STK38L: variants seen among roughly 807,000 people sequenced by gnomAD.
STK38L encodes serine/threonine kinase 38 like.
A neutral mutation model predicts 59.7 loss-of-function variants in STK38L; 28 were observed. That is an observed-to-expected ratio of 0.47 (90% CI 0.35 to 0.64). The LOEUF is 0.64. Ranked by LOEUF, STK38L falls within the 30% of genes least tolerant of loss-of-function variation. The pLI is 0.01. For missense variants in STK38L, 314 were observed against 555.8 expected (o/e 0.56, Z 4.37); for synonymous variants, 162 against 176.8 (o/e 0.92, Z 0.66).
rs1944784942 is a variant in STK38L, at chr12:27,323,859, T to G, written c.*1404T>G. ...AAACAACTCTGAGGTTTTGGTTTCA[T>G]TAGTAATAGTTGAGGAATAATATAC... On this transcript the variant is annotated 3_prime_UTR_variant, in exon 14 of 14. Transcript: ENST00000389032. The G allele has an allele frequency of 6.6e-6, 1 of 152,134 alleles. No individual in the cohort carries two copies. The highest frequency in any genetic ancestry group is 1.5e-5 in the Non-Finnish European group (1 of 67,968). The allele number at this position is 152,134 out of a possible 1,614,324, so 9.4% of individuals were successfully genotyped here. A position where few individuals can be genotyped will look rare whatever the true frequency, so the allele number is the denominator to read the frequency against.
chr12:27,320,793 T>C (rs985382188), intron 12 of STK38L, among the ~76,000 whole-genome samples: 4 of 150,472 alleles, frequency 2.7e-5, no homozygotes, highest in African/African-American at 9.8e-5. Flanking sequence ...TTTTTTTTTT[T>C]TTTTTTGAGA....
At chr12:27,248,588 C>T (rs1335751106) in intron 1 of STK38L, among the ~76,000 whole-genome samples, 1 of 152,180 alleles carries the variant, frequency 6.6e-6, no homozygotes, top group Non-Finnish European at 1.5e-5. Context: ...CCAGCAGGAT[C>T]CAGACTCTTC....
intron 1 of STK38L, among the ~76,000 whole-genome samples, chr12:27,275,055 C>T (rs1943504352): frequency 6.6e-6 from 1 of 152,192 alleles, no homozygotes; most frequent in African/African-American, 2.4e-5. Context: ...CCACATCATA[C>T]TCAGACTTAA....
chr12:27,254,801 A>AG (rs538958609), intron 1 of STK38L, among the ~76,000 whole-genome samples: 3 of 152,106 alleles, frequency 2.0e-5, no homozygotes, highest in Non-Finnish European at 4.4e-5. Context: ...AGGCACAGAG[A>AG]GGGGGCGGGA....
chr12:27,259,448 T>A (rs1943158551), intron 1 of STK38L, among the ~76,000 whole-genome samples: 1 of 152,166 alleles, frequency 6.6e-6, no homozygotes, highest in Non-Finnish European at 1.5e-5. Context: ...CGCCACTTTT[T>A]GCTGTCGTTC....
chr12:27,272,559 T>A (rs1252783807), intron 1 of STK38L, among the ~76,000 whole-genome samples: 2 of 152,220 alleles, frequency 1.3e-5, no homozygotes, highest in Non-Finnish European at 2.9e-5. Flanking sequence ...AATTCCATAT[T>A]TGTCTTGGAG....
chr12:27,298,956 T>C (rs1056441436), intron 2 of STK38L, among the ~76,000 whole-genome samples: 1 of 152,232 alleles, frequency 6.6e-6, no homozygotes, highest in Non-Finnish European at 1.5e-5. Flanking sequence ...GGAACTTTAG[T>C]TGTGATACAG....
intron 1 of STK38L, among the ~76,000 whole-genome samples, chr12:27,254,397 C>T (rs1943042049): frequency 6.6e-6 from 1 of 152,212 alleles, no homozygotes; most frequent in Admixed American, 6.5e-5. Context: ...CAAACATCAT[C>T]TCTGGTCCTC....
At chr12:27,244,414 A>AT (rs1942803849) in intron 1 of STK38L, 82 bp downstream of exon 1, 1 of 152,322 alleles carries the variant, frequency 6.6e-6, no homozygotes, top group Non-Finnish European at 1.5e-5. Flanking sequence ...GCAGGAGGAG[A>AT]TTTTAGGTGT....
intron 1 of STK38L, among the ~76,000 whole-genome samples, chr12:27,247,906 T>A (rs1166358825): frequency 6.6e-6 from 1 of 151,258 alleles, no homozygotes; most frequent in African/African-American, 2.4e-5. Flanking sequence ...CCTCTGCCTC[T>A]CAGGCTCAAG....
intron 1 of STK38L, among the ~76,000 whole-genome samples, chr12:27,269,347 A>C (rs903972636): frequency 2.0e-5 from 3 of 152,204 alleles, no homozygotes; most frequent in African/African-American, 7.2e-5. Context: ...ATGGCTAGCC[A>C]GTTTTCCCAG....
At chr12:27,292,721 G>A (rs549114210) in intron 1 of STK38L, among the ~76,000 whole-genome samples, 2 of 152,254 alleles carry the variant, frequency 1.3e-5, no homozygotes, top group South Asian at 4.1e-4. Flanking sequence ...ATACATGTAT[G>A]TGTAACTACA....
intron 1 of STK38L, among the ~76,000 whole-genome samples, chr12:27,270,343 G>T (rs1943397648): frequency 6.6e-6 from 1 of 151,998 alleles, no homozygotes; most frequent in Non-Finnish European, 1.5e-5. Flanking sequence ...AAGTAGCTGG[G>T]TCTACCAGTG....
intron 12 of STK38L, among the ~76,000 whole-genome samples, chr12:27,320,529 C>G (rs1049564398): frequency 7.0e-6 from 1 of 142,568 alleles, no homozygotes; most frequent in Non-Finnish European, 1.5e-5. Context: ...TGAGCTCAAG[C>G]GATCCACCTG....
chr12:27,302,243 C>A, intron 3 of STK38L, 55 bp downstream of exon 3: 1 of 1,269,254 alleles, frequency 7.9e-7, no homozygotes, highest in South Asian at 1.6e-5. Context: ...ACTTTTCATT[C>A]ATTTGACATC....
At chr12:27,320,421 C>G (rs1313893371) in intron 12 of STK38L, among the ~76,000 whole-genome samples, 1 of 151,350 alleles carries the variant, frequency 6.6e-6, no homozygotes, top group African/African-American at 2.4e-5. Context: ...CATGTGCCAC[C>G]ACACCCAGCT....
At chr12:27,297,594 G>A in intron 1 of STK38L, 116 bp from the exon 2 acceptor site, 1 of 957,796 alleles carries the variant, frequency 1.0e-6, no homozygotes, top group East Asian at 2.6e-5. Context: ...ATACTTGGAT[G>A]TGTTAACTGT....
chr12:27,309,296 A>G (rs1175364599), intron 5 of STK38L, 99 bp downstream of exon 5: 24 of 697,726 alleles, frequency 3.4e-5, no homozygotes. Context: ...TACACATCTT[A>G]CTACATAAGC....
chr12:27,312,410 G>A (rs1304998361), intron 5 of STK38L, 139 bp from the exon 6 acceptor site: 12 of 876,188 alleles, frequency 1.4e-5, no homozygotes, highest in South Asian at 1.9e-5. Flanking sequence ...ATGAGAATAC[G>A]AACATTCATA....
Sources: gnomAD v4.1 joint callset for allele counts (sites outside exome capture counted in the v4.1 genomes callset) on GRCh38, gnomAD v4.1.1 for gene constraint, MANE v1.5 for transcripts, NCBI Gene and HGNC (gene_info 2026-07-23, HGNC 2026-07-21) for gene names.